The following GALNTL6 variants were observed in gnomAD, a reference collection of about 807,000 sequenced individuals.
GALNTL6 encodes the protein polypeptide N-acetylgalactosaminyltransferase-like 6.
Under a neutral mutation model 73.7 loss-of-function variants are expected in GALNTL6, and 46 were observed. The ratio of observed to expected loss-of-function variants is 0.62; its 90% CI spans 0.49 to 0.80. The LOEUF (loss-of-function observed/expected upper bound fraction) is 0.80, where lower values mean the gene tolerates loss of function less well. GALNTL6 is among the 30% of genes least tolerant of loss of function. GALNTL6 has a pLI of 0.00. For synonymous variants in GALNTL6, 259 were observed against 263.7 expected (o/e 0.98, Z 0.17); for missense variants, 604 against 755.0 (o/e 0.80, Z 2.34).
intron 10 of GALNTL6, among the ~76,000 whole-genome samples, chr4:172,966,121 C>A (rs2126393219): frequency 6.6e-6 from 1 of 152,250 alleles, no homozygotes; most frequent in East Asian, 1.9e-4. Flanking sequence ...AATTTCTAAT[C>A]CACAGCCTTA....
At chr4:171,919,938 C>T (rs1393954259) in intron 2 of GALNTL6, among the ~76,000 whole-genome samples, 2 of 152,132 alleles carry the variant, frequency 1.3e-5, no homozygotes, top group African/African-American at 4.8e-5. Context: ...AATCAAGCTG[C>T]TATAAAGACA....
chr4:172,906,957 T>A (rs533332864), intron 8 of GALNTL6, among the ~76,000 whole-genome samples: 3 of 152,180 alleles, frequency 2.0e-5, no homozygotes, highest in Admixed American at 6.5e-5. Flanking sequence ...TCATAGAATG[T>A]CATCTAATCA....
At chr4:172,837,671 A>G (rs1742984481) in intron 7 of GALNTL6, among the ~76,000 whole-genome samples, 1 of 152,226 alleles carries the variant, frequency 6.6e-6, no homozygotes, top group Non-Finnish European at 1.5e-5. Flanking sequence ...AAAAGGAGTA[A>G]CATTCAATGT....
intron 5 of GALNTL6, among the ~76,000 whole-genome samples, chr4:172,577,361 C>T (rs986043013): frequency 6.6e-6 from 1 of 152,032 alleles, no homozygotes; most frequent in East Asian, 1.9e-4. Context: ...CAGTTTGTTC[C>T]CTTCGAATTT....
rs143322912 is a variant in GALNTL6 at position 172,749,587 on chromosome 4, A to C, written c.554-59774A>C. Among the ~76,000 whole-genome samples, 648 of 152,224 alleles carry C rather than the reference A, an allele frequency of 4.3e-3. 4 individuals are homozygous for C. Among genetic ancestry groups the C allele is most frequent in the African/African-American group, 0.015 (623 of 41,546 alleles). On this transcript the variant is annotated intron_variant, in intron 5 of 12. Coordinates refer to ENST00000506823, the MANE Select transcript of GALNTL6 (RefSeq NM_001034845.3). ...TACATTTTAAGTGGCTGGGAGGTTA[A>C]TCCCATGTCCCTAAGCCCCCCAAAT... is the stretch of plus-strand genomic sequence containing the variant.
intron 2 of GALNTL6, among the ~76,000 whole-genome samples, chr4:172,039,690 G>A (rs1321597247): frequency 2.6e-5 from 4 of 152,254 alleles, no homozygotes; most frequent in African/African-American, 4.8e-5. Flanking sequence ...CAGAAGAAAA[G>A]GGGAGTGGGG....
chr4:172,321,721 A>G (rs1740761480), intron 4 of GALNTL6, among the ~76,000 whole-genome samples: 2 of 152,238 alleles, frequency 1.3e-5, no homozygotes, highest in African/African-American at 4.8e-5. Flanking sequence ...TGCAACTGAT[A>G]GAAGGAAGAA....
chr4:172,901,016 T>C (rs1746599296), intron 8 of GALNTL6, among the ~76,000 whole-genome samples: 2 of 151,578 alleles, frequency 1.3e-5, no homozygotes, highest in African/African-American at 4.9e-5. Context: ...TTTTCAGTTA[T>C]CTGTCATTCT....
intron 10 of GALNTL6, among the ~76,000 whole-genome samples, chr4:172,960,044 G>C (rs554804573): frequency 6.6e-6 from 1 of 152,298 alleles, no homozygotes; most frequent in Admixed American, 6.5e-5. Flanking sequence ...TGGGGTTTGA[G>C]GGCCAGAATT....
intron 5 of GALNTL6, among the ~76,000 whole-genome samples, chr4:172,423,409 C>T (rs1387044851): frequency 6.6e-6 from 1 of 151,978 alleles, no homozygotes; most frequent in Non-Finnish European, 1.5e-5. Flanking sequence ...TCTGACAACT[C>T]TTCCCCTCAT....
At chr4:172,302,366 A>G (rs565081218) in intron 3 of GALNTL6, among the ~76,000 whole-genome samples, 10 of 152,158 alleles carry the variant, frequency 6.6e-5, no homozygotes, top group African/African-American at 2.4e-4. Flanking sequence ...AGTGCACTGC[A>G]CCCACTGTTC....
intron 5 of GALNTL6, among the ~76,000 whole-genome samples, chr4:172,414,727 G>C (rs184755357): frequency 6.6e-6 from 1 of 152,136 alleles, no homozygotes; most frequent in East Asian, 1.9e-4. Flanking sequence ...ACTTAACTCC[G>C]TCACCTACTG....
At chr4:171,926,096 A>T (rs1018993078) in intron 2 of GALNTL6, among the ~76,000 whole-genome samples, 1 of 152,136 alleles carries the variant, frequency 6.6e-6, no homozygotes, top group South Asian at 2.1e-4. Context: ...TTATCGAAAG[A>T]CATAAAACAT....
chr4:171,849,401 G>T (rs1735459434), intron 2 of GALNTL6, among the ~76,000 whole-genome samples: 1 of 152,146 alleles, frequency 6.6e-6, no homozygotes, highest in Admixed American at 6.5e-5. Context: ...AGTGCTTTGT[G>T]TAATTTTCAT....
intron 2 of GALNTL6, among the ~76,000 whole-genome samples, chr4:172,140,661 T>G (rs753152941): frequency 1.3e-5 from 2 of 152,060 alleles, no homozygotes; most frequent in East Asian, 1.9e-4. Context: ...TCAACTGTTA[T>G]GTTAGTCTCA....
intron 5 of GALNTL6, among the ~76,000 whole-genome samples, chr4:172,704,929 T>A (rs552480113): frequency 2.6e-5 from 4 of 152,184 alleles, no homozygotes; most frequent in African/African-American, 9.6e-5. Context: ...GTTCTCCCTA[T>A]ATAATGACCA....
chr4:172,157,965 C>T (rs539220101), intron 2 of GALNTL6, among the ~76,000 whole-genome samples: 11 of 152,218 alleles, frequency 7.2e-5, no homozygotes, highest in South Asian at 2.1e-4. Flanking sequence ...ATTCATGTTG[C>T]GTCCCAACCA....
At chr4:172,663,677 C>T (rs537852667) in intron 5 of GALNTL6, among the ~76,000 whole-genome samples, 1 of 152,248 alleles carries the variant, frequency 6.6e-6, no homozygotes, top group African/African-American at 2.4e-5. Context: ...GCCTATAATC[C>T]CAGCACTTTG....
intron 2 of GALNTL6, among the ~76,000 whole-genome samples, chr4:171,857,287 C>T (rs1381864341): frequency 6.6e-6 from 1 of 152,014 alleles, no homozygotes; most frequent in Non-Finnish European, 1.5e-5. Context: ...GTATATTGAA[C>T]CAAATTCCTC....
Sources: gnomAD v4.1 joint callset for allele counts (sites outside exome capture counted in the v4.1 genomes callset) on GRCh38, gnomAD v4.1.1 for gene constraint, MANE v1.5 for transcripts, NCBI Gene and HGNC (gene_info 2026-07-23, HGNC 2026-07-21) for gene names.